ZNF554: variants seen among roughly 807,000 people sequenced by gnomAD.
ZNF554 encodes zinc finger protein 554.
ZNF554 carries 15 observed loss-of-function variants against 21.2 expected under a neutral mutation model. That is an observed-to-expected ratio of 0.71 (90% CI 0.47 to 1.09). The LOEUF (loss-of-function observed/expected upper bound fraction) is 1.09, where lower values mean the gene tolerates loss of function less well. ZNF554 is among the 50% of genes least tolerant of loss of function. ZNF554 has a pLI of 0.00. For missense variants in ZNF554, 691 were observed against 662.7 expected, an observed-to-expected ratio of 1.04 and a Z score of -0.47; for synonymous variants, 258 against 251.4, an observed-to-expected ratio of 1.03 and a Z score of -0.25.
intron 2 of ZNF554, among the ~76,000 whole-genome samples, chr19:2,825,005 T>G (rs867065629): frequency 0.08 from 1,762 of 21,946 alleles, 19 homozygotes; most frequent in African/African-American, 0.11. Context: ...TTGCAGTTGT[T>G]TTTTTTTTTT....
At chr19:2,824,501 G>T (rs537708990) in intron 2 of ZNF554, among the ~76,000 whole-genome samples, 1 of 152,350 alleles carries the variant, frequency 6.6e-6, no homozygotes, top group South Asian at 2.1e-4. Flanking sequence ...TGGAGAGCAG[G>T]CAGTGCTGCC....
At chr19:2,820,239 C>A in intron 1 of ZNF554, 115 bp downstream of exon 1, 1 of 983,300 alleles carries the variant, frequency 1.0e-6, no homozygotes, top group Non-Finnish European at 1.3e-6. Context: ...CGATAGGGTC[C>A]CCACGGGAGG....
In ZNF554 at chr19:2,833,838, C is replaced by T. The variant is rs2087453927; in HGVS notation, c.603C>T (p.Ser201=). The T allele has an allele frequency of 1.2e-6, 2 of 1,612,498 alleles. No individual in the cohort carries two copies. The highest frequency in any genetic ancestry group is 4.5e-5 in the East Asian group (2 of 44,850). ...DSHEDPQGLL[S]QKASLHVVAV... Reference sequence around the variant, plus strand: ...ATGAAGACCCCCAGGGGCTTTTGAGCCAAAAGGCATCCCTTCACGTAGTGG... The same window carrying T: ...ATGAAGACCCCCAGGGGCTTTTGAGTCAAAAGGCATCCCTTCACGTAGTGG... Residue 201 remains serine, a synonymous_variant, in exon 5 of 5, where the codon AGC becomes AGT. Coordinates refer to ENST00000317243, the MANE Select transcript of ZNF554 (RefSeq NM_001102651.2).
In ZNF554 at chr19:2,834,552, T is replaced by A. The variant is rs367579691; in HGVS notation, c.1317T>A (p.Ser439Arg). 15 of 1,613,804 alleles carry A rather than the reference T, an allele frequency of 9.3e-6. No homozygotes were observed. Among genetic ancestry groups the A allele is most frequent in the Non-Finnish European group, 1.1e-5 (13 of 1,179,992 alleles). ...CCGGAGAGAAGCCCTACGAATGCAG[T>A]GAATGTGGAAAGGCCTTCAGTGACC... ...THTGEKPYEC[S>R]ECGKAFSDRS... The change falls in exon 5 of 5, where the codon AGT becomes AGA. Residue 439 changes from serine to arginine, a missense_variant. Physicochemically the swap from Ser to Arg is moderately radical, Grantham distance 110. Transcript: ENST00000317243.
Position 2,834,054 on chromosome 19 carries a change from T to G in ZNF554, c.819T>G (p.Cys273Trp). 6.2e-7 allele frequency: 1 copy of G among 1,614,072 alleles called. No homozygotes were observed. The stretch of plus-strand genomic sequence containing the variant: ...TGGGATATGCAGATCGGAGACCTTG[T>G]GAAAGTAATGAATGTGGAAATGCCA... The part of the protein sequence containing the change: ...HQLGYADRRP[C>W]ESNECGNAIR... The change falls in exon 5 of 5, where the codon TGT becomes TGG. Residue 273 changes from cysteine (C) to tryptophan (W), a missense_variant. Cys to Trp is a radical substitution (Grantham distance 215, BLOSUM62 -2). Transcript: ENST00000317243.
intron 1 of ZNF554, 114 bp downstream of exon 1, chr19:2,820,238 C>CATG: frequency 1.0e-6 from 1 of 1,003,386 alleles, no homozygotes; most frequent in Non-Finnish European, 1.3e-6. Flanking sequence ...GCGATAGGGT[C>CATG]CCCACGGGAG....
At chr19:2,827,168 A>G (rs1263044206) in intron 2 of ZNF554, among the ~76,000 whole-genome samples, 1 of 152,244 alleles carries the variant, frequency 6.6e-6, no homozygotes, top group African/African-American at 2.4e-5. Flanking sequence ...ACGACAACAC[A>G]CTTTGGATAA....
Position 2,832,503 on chromosome 19 carries a change from C to G in ZNF554, c.445+9C>G. On this transcript the variant is annotated intron_variant, in intron 4 of 4. Transcript: ENST00000317243. ...TCAAGCCTCCTGTTCAGGTGAGAAT[C>G]AGGCAGATAGAAACCATTGGGATGG... 1 of 1,587,140 alleles carries G rather than the reference C, an allele frequency of 6.3e-7. No individual in the cohort carries two copies.
chr19:2,827,744 G>GT lies in ZNF554; in HGVS notation c.253+2dup, dbSNP rs762196442. 3 of 1,613,934 alleles carry GT rather than the reference G, an allele frequency of 1.9e-6. No individual in the cohort carries two copies. Among genetic ancestry groups the GT allele is most frequent in the Non-Finnish European group, 2.5e-6 (3 of 1,179,938 alleles). ...AACTACAGGAACGTGGTCTCCCTGG[G>GT]TAAGGCAAGCATCACTAATTCCTGT... On this transcript the variant is annotated splice_donor_variant, in intron 3 of 4. Coordinates refer to ENST00000317243, the MANE Select transcript of ZNF554 (RefSeq NM_001102651.2). LOFTEE classifies it high-confidence loss of function.
At chr19:2,832,584 T>A in intron 4 of ZNF554, 90 bp downstream of exon 4, 1 of 1,338,732 alleles carries the variant, frequency 7.5e-7, no homozygotes, top group Non-Finnish European at 1.0e-6. Context: ...CCTGATTCTG[T>A]AAGGAGAATG....
chr19:2,820,331 G>A (rs980307082), intron 1 of ZNF554, among the ~76,000 whole-genome samples: 1 of 152,234 alleles, frequency 6.6e-6, no homozygotes, highest in Non-Finnish European at 1.5e-5. Flanking sequence ...GCCCCTGGGT[G>A]AGAGACGCAT....
At position 2,823,037 on chromosome 19, in the gene ZNF554, C is replaced by A. The variant is rs777377557; in HGVS notation, c.54-3C>A. 3.9e-5 allele frequency: 63 copies of A among 1,613,142 alleles called. No individual in the cohort carries two copies. The highest frequency in any genetic ancestry group is 5.1e-5 in the Non-Finnish European group (60 of 1,179,450). ...ATTCGCAGCGCCTTTTTCCTCCCCA[C>A]AGCTCTGCCTGCCCAGGAACCTGCT... On this transcript the variant is annotated splice_region_variant and splice_polypyrimidine_tract_variant and intron_variant, in intron 1 of 4. Transcript: ENST00000317243.
Position 2,827,723 on chromosome 19 carries a change from A to C in ZNF554, c.233A>C (p.Tyr78Ser). 6.2e-7 allele frequency: 1 copy of C among 1,613,916 alleles called. No individual in the cohort carries two copies. Among genetic ancestry groups the C allele is most frequent in the Non-Finnish European group, 8.5e-7 (1 of 1,179,906 alleles). ...TACAGAGAGGTGATGCTGGAGAACT[A>C]CAGGAACGTGGTCTCCCTGGGTAAG... is the stretch of plus-strand genomic sequence containing the variant. Reference protein sequence around the residue: ...NLYREVMLENYRNVVSLEALK... With the variant: ...NLYREVMLENSRNVVSLEALK... The change falls in exon 3 of 5, where the codon TAC becomes TCC. Residue 78 changes from tyrosine to serine, a missense_variant. Transcript: ENST00000317243.
Position 2,819,956 on chromosome 19 carries a change from G to T in ZNF554, c.-116G>T, listed in dbSNP as rs1599539613. On this transcript the variant is annotated 5_prime_UTR_variant, in exon 1 of 5. Coordinates refer to ENST00000317243, the MANE Select transcript of ZNF554 (RefSeq NM_001102651.2). ...GGCGCCTGCGGGGGGCGTCCGCTCC[G>T]AGCGCCGAGGAGCCGAGCGGAGGAG... is the stretch of plus-strand genomic sequence containing the variant. 4.8e-6 allele frequency: 4 copies of T among 835,490 alleles called. No homozygotes were observed. In the South Asian group the frequency reaches 1.8e-4, roughly 38 times the overall value. The allele number at this position is 835,490 out of a possible 1,614,324, so 51.8% of individuals were successfully genotyped here. A position where few individuals can be genotyped will look rare whatever the true frequency, so the allele number is the denominator to read the frequency against.
Position 2,821,346 on chromosome 19 carries a change from C to A in ZNF554, c.53+1222C>A, listed in dbSNP as rs1181523548. On this transcript the variant is annotated intron_variant, in intron 1 of 4. Coordinates refer to ENST00000317243, the MANE Select transcript of ZNF554 (RefSeq NM_001102651.2). The surrounding 1 kb of genome is among the most constrained non-coding windows in gnomAD (Gnocchi z 8.2). The stretch of plus-strand genomic sequence containing the variant: ...CCTCAGGTGATCCACCTACCTCGGC[C>A]TCCCAAAGTGACCACTGCGCCCGGC... Among the ~76,000 whole-genome samples the A allele has an allele frequency of 1.3e-5, 2 of 151,906 alleles. No homozygotes were observed. Among genetic ancestry groups the A allele is most frequent in the African/African-American group, 4.9e-5 (2 of 41,188 alleles).
At chr19:2,831,994 C>T (rs920000827) in intron 3 of ZNF554, 1 of 186,372 alleles carries the variant, frequency 5.4e-6, no homozygotes. Flanking sequence ...GCCACGACCT[C>T]GGCTCACTGC....
chr19:2,827,514 C>T (rs1418041622), intron 2 of ZNF554, 103 bp from the exon 3 acceptor site: 4 of 1,452,100 alleles, frequency 2.8e-6, no homozygotes, highest in African/African-American at 1.4e-5. Flanking sequence ...GACTTTGCAC[C>T]TTGACCTTTC....
chr19:2,831,075 G>C (rs1468847138), intron 3 of ZNF554: 1 of 152,084 alleles, frequency 6.6e-6, no homozygotes, highest in Admixed American at 6.6e-5. Flanking sequence ...CCCATACTGG[G>C]TTTTGTATCA....
rs766845062 is a variant in ZNF554 at position 2,834,535 on chromosome 19, A to T, written c.1300A>T (p.Lys434Ter). The change falls in exon 5 of 5, where the codon AAG (lysine) becomes TAG (stop). Residue 434 changes from lysine to a stop codon, truncating the protein, a stop_gained. Coordinates refer to ENST00000317243, the MANE Select transcript of ZNF554 (RefSeq NM_001102651.2). LOFTEE classifies it low-confidence loss of function (END_TRUNC). ...GCACAAGAGGACACACACCGGAGAG[A>T]AGCCCTACGAATGCAGTGAATGTGG... ...ILHKRTHTGEKPYECSECGKA... is the reference protein window; with the variant it reads ...ILHKRTHTGE 1 of 1,614,140 alleles carries T rather than the reference A, an allele frequency of 6.2e-7. No homozygotes were observed. Among genetic ancestry groups the T allele is most frequent in the Non-Finnish European group, 8.5e-7 (1 of 1,180,032 alleles).
Sources: allele counts gnomAD v4.1 joint callset (sites outside exome capture counted in the v4.1 genomes callset), GRCh38; gene constraint gnomAD v4.1.1; non-coding constraint Gnocchi (gnomAD v3.1); transcripts MANE v1.5; gene names NCBI Gene and HGNC (gene_info 2026-07-23, HGNC 2026-07-21).